SHMT1: variants seen among roughly 807,000 people sequenced by gnomAD.
The protein encoded by SHMT1 is serine hydroxymethyltransferase 1, also known as serine hydroxymethyltransferase, cytosolic.
A neutral mutation model predicts 49.0 loss-of-function variants in SHMT1; 45 were observed. The observed-to-expected ratio is 0.92, with a 90% CI of 0.72 to 1.18. The LOEUF is 1.18. SHMT1 is among the 50% of genes most tolerant of loss of function. The pLI, the probability that SHMT1 is intolerant of heterozygous loss-of-function variation, is 0.00. For missense variants in SHMT1, 541 were observed against 612.4 expected, an observed-to-expected ratio of 0.88 and a Z score of 1.23; for synonymous variants, 232 against 246.6, an observed-to-expected ratio of 0.94 and a Z score of 0.55.
chr17:18,343,855 G>A (rs766362253), intron 5 of SHMT1, among the ~76,000 whole-genome samples: 17 of 151,082 alleles, frequency 1.1e-4, no homozygotes, highest in Non-Finnish European at 2.4e-4. Context: ...AGGAGGCAGA[G>A]GTTGCAGTGA....
At position 18,335,558 on chromosome 17, in the gene SHMT1, C is replaced by T. The variant is rs773073970; in HGVS notation, c.931+1G>A. On this transcript the variant is annotated splice_donor_variant, in intron 8 of 11. Transcript: ENST00000316694. LOFTEE classifies it high-confidence loss of function. ...ATGAGCAGAGGCAGATGATGTTTTACCAGCAATGGCGTGGTTGTGGGGACC... is the reference window on the plus strand; with the variant it reads ...ATGAGCAGAGGCAGATGATGTTTTATCAGCAATGGCGTGGTTGTGGGGACC... 1 of 1,600,958 alleles carries T rather than the reference C, an allele frequency of 6.2e-7. No homozygotes were observed. Among genetic ancestry groups the T allele is most frequent in the South Asian group, 1.1e-5 (1 of 90,798 alleles).
chr17:18,360,494 A>C (rs759092380), intron 1 of SHMT1: 1 of 151,374 alleles, frequency 6.6e-6, no homozygotes, highest in Non-Finnish European at 1.5e-5. Context: ...CCGGAGGTTG[A>C]GGCTGCAGTG....
chr17:18,341,367 G>A (rs539018846), intron 5 of SHMT1: 16 of 170,140 alleles, frequency 9.4e-5, no homozygotes, highest in East Asian at 5.0e-4. Context: ...GGGGCTGGGC[G>A]CGGTGGCTCA....
rs1484384056 is a variant in SHMT1 at position 18,328,045 on chromosome 17, T to C, written c.*705A>G. ...TCAGCTACGTGAAAATAAAATTTCT[T>C]TGGGAAGGTGACATTTGGCTTCCTG... On this transcript the variant is annotated 3_prime_UTR_variant, in exon 12 of 12. Coordinates refer to ENST00000316694, the MANE Select transcript of SHMT1 (RefSeq NM_004169.5). 8 of 152,554 alleles carry C rather than the reference T, an allele frequency of 5.2e-5. No individual in the cohort carries two copies. Among genetic ancestry groups the C allele is most frequent in the African/African-American group, 1.9e-4 (8 of 41,438 alleles). The allele number at this position is 152,554 out of a possible 1,614,324, so 9.5% of individuals were successfully genotyped here.
intron 5 of SHMT1, among the ~76,000 whole-genome samples, chr17:18,343,464 C>T (rs1378459680): frequency 6.6e-6 from 1 of 151,670 alleles, no homozygotes; most frequent in African/African-American, 2.4e-5. Context: ...CAAAATTAGC[C>T]AGGCATGGTG....
At chr17:18,335,358 G>A (rs577404091) in intron 8 of SHMT1, among the ~76,000 whole-genome samples, 5 of 152,212 alleles carry the variant, frequency 3.3e-5, no homozygotes, top group Admixed American at 6.5e-5. Flanking sequence ...CTGGGTGGCC[G>A]TACACGTGGA....
chr17:18,337,603 G>A (rs1436453357), intron 7 of SHMT1, among the ~76,000 whole-genome samples: 1 of 113,182 alleles, frequency 8.8e-6, no homozygotes, highest in Non-Finnish European at 1.7e-5. Flanking sequence ...CCCTTTCCAC[G>A]GTCTCCCTCT....
Position 18,360,899 on chromosome 17 carries a change from G to A in SHMT1, c.-20+2473C>T, listed in dbSNP as rs963794727. On this transcript the variant is annotated intron_variant, in intron 1 of 11. Transcript: ENST00000316694. ...AAAGAAAAAAAAGCGGTCAGGCGCG[G>A]TGGCTGACGCCTGTAATCCCAGCAC... Among the ~76,000 whole-genome samples the A allele has an allele frequency of 5.3e-5, 8 of 152,314 alleles. No homozygotes were observed. The South Asian group carries it at 1.4e-3, about 28-fold the overall frequency.
intron 1 of SHMT1, among the ~76,000 whole-genome samples, chr17:18,362,324 CTCTT>C (rs1033287370): frequency 2.0e-5 from 3 of 152,020 alleles, no homozygotes; most frequent in South Asian, 2.1e-4. Context: ...TTCTTTCTCT[CTCTT>C]TCTTTCTTTT....
At chr17:18,348,600 T>A (rs923302557) in intron 3 of SHMT1, 160 bp from the exon 4 acceptor site, 1 of 735,718 alleles carries the variant, frequency 1.4e-6, no homozygotes, top group Non-Finnish European at 2.5e-6. Context: ...CATGATCAAG[T>A]GTTCCACCAA....
Position 18,335,685 on chromosome 17 carries a change from G to A in SHMT1, c.815-10C>T. 6.3e-7 allele frequency: 1 copy of A among 1,580,698 alleles called. No homozygotes were observed. The highest frequency in any genetic ancestry group is 8.7e-7 in the Non-Finnish European group (1 of 1,149,488). On this transcript the variant is annotated splice_polypyrimidine_tract_variant and intron_variant, in intron 7 of 11. Coordinates refer to ENST00000316694, the MANE Select transcript of SHMT1 (RefSeq NM_004169.5). ...TCCACACTTTTCACTCCTGGAGGAAGAAAAACATCACAGTGGGATCATAGG... is the reference window on the plus strand; with the variant it reads ...TCCACACTTTTCACTCCTGGAGGAAAAAAAACATCACAGTGGGATCATAGG...
At chr17:18,332,735 G>GA (rs1983350312) in intron 9 of SHMT1, 1 of 303,170 alleles carries the variant, frequency 3.3e-6, no homozygotes, top group Non-Finnish European at 6.6e-6. Flanking sequence ...GAATATGCAG[G>GA]AAACTGGGAG....
rs767909612 is a variant in SHMT1 at position 18,329,405 on chromosome 17, G to A, written c.1172-17C>T. The A allele has an allele frequency of 6.3e-5, 100 of 1,591,624 alleles. No homozygotes were observed. Among genetic ancestry groups the A allele is most frequent in the Non-Finnish European group, 8.3e-5 (97 of 1,163,150 alleles). The stretch of plus-strand genomic sequence containing the variant: ...TTCTGTCACCTACAAGATAAACGGG[G>A]CTCTGTCCCTAAGTCACATTGTCAC... On this transcript the variant is annotated splice_polypyrimidine_tract_variant and intron_variant, in intron 10 of 11. Transcript: ENST00000316694.
At chr17:18,356,508 G>A (rs951910785) in intron 1 of SHMT1, among the ~76,000 whole-genome samples, 4 of 151,762 alleles carry the variant, frequency 2.6e-5, no homozygotes, top group African/African-American at 9.7e-5. Flanking sequence ...GCTAATTTGT[G>A]TATTTTTCGT....
chr17:18,356,073 T>C, intron 1 of SHMT1, 73 bp from the exon 2 acceptor site: 1 of 758,680 alleles, frequency 1.3e-6, no homozygotes, highest in Non-Finnish European at 2.1e-6. Context: ...TTATTTATTT[T>C]TGAGATGTAG....
Position 18,339,316 on chromosome 17 carries a change from C to T in SHMT1, c.814+727G>A, listed in dbSNP as rs73981308. On this transcript the variant is annotated intron_variant, in intron 7 of 11. Coordinates refer to ENST00000316694, the MANE Select transcript of SHMT1 (RefSeq NM_004169.5). ...TAGTTTGACTACTATGAGTCTTTCT[C>T]TTTGAGAAACATGATGGATCACTGT... 2.4e-3 allele frequency among the ~76,000 whole-genome samples: 366 copies of T among 152,272 alleles called. 5 individuals are homozygous for T. The highest frequency in any genetic ancestry group is 8.6e-3 in the African/African-American group (356 of 41,566).
intron 7 of SHMT1, among the ~76,000 whole-genome samples, chr17:18,336,921 G>A (rs1030554043): frequency 1.3e-5 from 2 of 152,200 alleles, no homozygotes; most frequent in East Asian, 1.9e-4. Flanking sequence ...ACTGCAGCCT[G>A]AGTGACAGAG....
At chr17:18,361,307 A>AC (rs1002233458) in intron 1 of SHMT1, among the ~76,000 whole-genome samples, 1 of 150,002 alleles carries the variant, frequency 6.7e-6, no homozygotes, top group Non-Finnish European at 1.5e-5. Context: ...TCAAAAAAAA[A>AC]AAAAAAAACA....
intron 9 of SHMT1, chr17:18,332,099 C>T (rs923856132): frequency 6.6e-6 from 1 of 152,252 alleles, no homozygotes; most frequent in Non-Finnish European, 1.5e-5. Flanking sequence ...GGCCAGGTTC[C>T]TAACAGACCA....
Sources: gnomAD v4.1 joint callset for allele counts (sites outside exome capture counted in the v4.1 genomes callset) on GRCh38, gnomAD v4.1.1 for gene constraint, MANE v1.5 for transcripts, NCBI Gene and HGNC (gene_info 2026-07-23, HGNC 2026-07-21) for gene names.